Variants in NEK8 observed in about 807,000 individuals in gnomAD.
The protein encoded by NEK8 is NIMA related kinase 8.
In NEK8, 51 loss-of-function variants were observed where a neutral mutation model predicts 77.2. That is an observed-to-expected ratio of 0.66 (90% CI 0.53 to 0.83). The LOEUF is 0.83. Ranked by LOEUF, NEK8 falls within the 40% of genes least tolerant of loss-of-function variation. The pLI is 0.00. For missense variants in NEK8, 787 were observed against 909.2 expected (o/e 0.87, Z 1.73); for synonymous variants, 365 against 363.2 (o/e 1.00, Z -0.06).
chr17:28,730,464 G>C (rs2151730423), intron 1 of NEK8, among the ~76,000 whole-genome samples: 2 of 152,196 alleles, frequency 1.3e-5, no homozygotes, highest in East Asian at 3.9e-4. Context: ...AGTAGAGACA[G>C]GGTTTCACCA....
chr17:28,728,987 C>A, intron 1 of NEK8, 127 bp downstream of exon 1: 2 of 872,034 alleles, frequency 2.3e-6, no homozygotes, highest in Non-Finnish European at 3.7e-6. Context: ...AAGCCCCGCC[C>A]AAGCTTCCGG....
At chr17:28,730,329 C>T (rs1030684440) in intron 1 of NEK8, among the ~76,000 whole-genome samples, 1 of 137,656 alleles carries the variant, frequency 7.3e-6, no homozygotes, top group Non-Finnish European at 1.5e-5. Context: ...TCCTCTGTTG[C>T]CCAGGCTGGA....
rs577204880 is a variant in NEK8, at chr17:28,731,840, C to T, written c.48-2143C>T. On this transcript the variant is annotated intron_variant, in intron 1 of 14. Transcript: ENST00000268766. ...CAGTATGGTCTCGATCTGCTGACCT[C>T]GTGATCCGCCTGCCTCAGTCTCCCA... Among the ~76,000 whole-genome samples the T allele has an allele frequency of 8.2e-5, 12 of 147,100 alleles. No homozygotes were observed. In the East Asian group the frequency reaches 2.5e-3, roughly 30 times the overall value.
In NEK8 at chr17:28,741,260, C is replaced by T. The variant is rs1309847782; in HGVS notation, c.1891+24C>T. The T allele has an allele frequency of 1.3e-6, 2 of 1,594,756 alleles. No individual in the cohort carries two copies. The highest frequency in any genetic ancestry group is 8.6e-7 in the Non-Finnish European group (1 of 1,168,942). ...AGGTGAGGACTGAGCATGGTGGGGG[C>T]AGACAGTGCCATGAGCAGTGGGGGG... On this transcript the variant is annotated intron_variant, in intron 13 of 14. Coordinates refer to ENST00000268766, the MANE Select transcript of NEK8 (RefSeq NM_178170.3). This position sits in a 1 kb window ranked among gnomAD's most constrained non-coding sequence, Gnocchi z 4.5.
chr17:28,740,304 AAAG>A lies in NEK8; in HGVS notation c.1418-155_1418-153del, dbSNP rs1462357384. 6.6e-6 allele frequency among the ~76,000 whole-genome samples: 1 copy of A among 152,108 alleles called. No homozygotes were observed. The highest frequency in any genetic ancestry group is 2.4e-5 in the African/African-American group (1 of 41,398). On this transcript the variant is annotated intron_variant, in intron 10 of 14. Transcript: ENST00000268766. The surrounding 1 kb of genome is among the most constrained non-coding windows in gnomAD (Gnocchi z 4.7). Reference sequence around the variant, plus strand: ...GTCTCGAAAAATAAAAATAAAAAATAAAGAAGGAGGATTTTAACCAGCAGAGGG... The same window carrying A: ...GTCTCGAAAAATAAAAATAAAAAATAAAGGAGGATTTTAACCAGCAGAGGG...
Position 28,740,165 on chromosome 17 carries a change from T to C in NEK8, c.1418-298T>C, listed in dbSNP as rs1239651547. 6.6e-6 allele frequency among the ~76,000 whole-genome samples: 1 copy of C among 151,976 alleles called. No homozygotes were observed. The highest frequency in any genetic ancestry group is 1.5e-5 in the Non-Finnish European group (1 of 67,998). Reference sequence around the variant, plus strand: ...TGGGCATGGTGGTGCATGCCTGTAATCCCGGCTACTCAGGAGGCTGAGGCA... The same window carrying C: ...TGGGCATGGTGGTGCATGCCTGTAACCCCGGCTACTCAGGAGGCTGAGGCA... On this transcript the variant is annotated intron_variant, in intron 10 of 14. Coordinates refer to ENST00000268766, the MANE Select transcript of NEK8 (RefSeq NM_178170.3). The surrounding 1 kb of genome is among the most constrained non-coding windows in gnomAD (Gnocchi z 4.7).
chr17:28,730,215 A>G (rs1451558592), intron 1 of NEK8, among the ~76,000 whole-genome samples: 2 of 150,826 alleles, frequency 1.3e-5, no homozygotes, highest in East Asian at 3.9e-4. Flanking sequence ...GGTTCACGCA[A>G]TTCTCCTGCC....
At position 28,739,243 on chromosome 17, in the gene NEK8, C is replaced by T. The variant is rs768515042; in HGVS notation, c.1417+42C>T. The T allele has an allele frequency of 5.2e-6, 7 of 1,333,766 alleles. No individual in the cohort carries two copies. The African/African-American group carries it at 1.0e-4, about 19-fold the overall frequency. The allele number at this position is 1,333,766 out of a possible 1,614,324, so 82.6% of individuals were successfully genotyped here. On this transcript the variant is annotated intron_variant, in intron 10 of 14. Transcript: ENST00000268766. ...AGGCCCCATCTCACAGCATCCTCAG[C>T]CATGACTTGCTCCCCTTCATACCCA...
At chr17:28,730,413 C>T (rs1216343153) in intron 1 of NEK8, among the ~76,000 whole-genome samples, 1 of 150,998 alleles carries the variant, frequency 6.6e-6, no homozygotes, top group Non-Finnish European at 1.5e-5. Flanking sequence ...CTCAGCCTTA[C>T]AGGCGTGTGC....
intron 1 of NEK8, among the ~76,000 whole-genome samples, chr17:28,732,168 C>T (rs1330342627): frequency 6.6e-6 from 1 of 151,508 alleles, no homozygotes; most frequent in Non-Finnish European, 1.5e-5. Context: ...AAATTGCATT[C>T]TGGGGCTGGG....
intron 2 of NEK8, 151 bp downstream of exon 2, chr17:28,734,339 C>T: frequency 6.9e-6 from 5 of 722,132 alleles, no homozygotes; most frequent in Non-Finnish European, 1.2e-5. Context: ...GCCCCTTGTC[C>T]TCTCTGGTCC....
rs759278761 is a variant in NEK8, at chr17:28,740,969, C to T, written c.1716C>T (p.His572=). The change falls in exon 12 of 15, where the codon CAC becomes CAT. Residue 572 remains histidine, a synonymous_variant. Coordinates refer to ENST00000268766, the MANE Select transcript of NEK8 (RefSeq NM_178170.3). This position sits in a 1 kb window ranked among gnomAD's most constrained non-coding sequence, Gnocchi z 4.7. ...TGAGTATAGACCTGGGCACTGCTCACTCAGCTGCTGTGACTGGTGAGGAGG... is the reference window on the plus strand; with the variant it reads ...TGAGTATAGACCTGGGCACTGCTCATTCAGCTGCTGTGACTGGTGAGGAGG... ...PLLSIDLGTA[H]SAAVTASGDC... The T allele has an allele frequency of 1.2e-6, 2 of 1,614,176 alleles. No individual in the cohort carries two copies. The highest frequency in any genetic ancestry group is 2.2e-5 in the East Asian group (1 of 44,854).
In NEK8 at chr17:28,740,541, G is replaced by A. The variant is rs770946405; in HGVS notation, c.1496G>A (p.Arg499Gln). 8.7e-6 allele frequency: 14 copies of A among 1,614,164 alleles called. No homozygotes were observed. In the East Asian group the frequency reaches 1.1e-4, roughly 13 times the overall value. The change falls in exon 11 of 15, where the codon CGA (arginine) becomes CAA (glutamine). Residue 499 changes from arginine to glutamine, a missense_variant. Arg to Gln is a conservative substitution (Grantham distance 43). Around this residue, in one of 2 missense-constraint regions of NEK8, gnomAD observed 516 missense variants for 544.0 expected, o/e 0.95. Transcript: ENST00000268766. This position sits in a 1 kb window ranked among gnomAD's most constrained non-coding sequence, Gnocchi z 4.7. ...VPMPPGQEAQ[R>Q]VVCGIDSSMI... Reference sequence around the variant, plus strand: ...ATGCCCCCAGGACAGGAAGCTCAGCGAGTTGTATGTGGTATCGATTCCTCC... The same window carrying A: ...ATGCCCCCAGGACAGGAAGCTCAGCAAGTTGTATGTGGTATCGATTCCTCC...
intron 4 of NEK8, among the ~76,000 whole-genome samples, chr17:28,735,712 G>C (rs984739754): frequency 6.6e-6 from 1 of 152,176 alleles, no homozygotes; most frequent in Non-Finnish European, 1.5e-5. Context: ...GGACTCCCCT[G>C]TCAGTCTGGG....
Position 28,737,899 on chromosome 17 carries a change from C to G in NEK8, c.970C>G (p.Pro324Ala). 2 of 1,613,828 alleles carry G rather than the reference C, an allele frequency of 1.2e-6. No individual in the cohort carries two copies. The highest frequency in any genetic ancestry group is 1.7e-6 in the Non-Finnish European group (2 of 1,179,978). The change falls in exon 7 of 15, where the codon CCC becomes GCC. Residue 324 changes from proline to alanine, a missense_variant. Transcript: ENST00000268766. This position sits in a 1 kb window ranked among gnomAD's most constrained non-coding sequence, Gnocchi z 4.8. ...VYAWGGGLGT[P>A]LRLPMLNTEV... ...TGCCTGGGGTGGTGGGCTGGGCACC[C>G]CCCTGCGGCTGCCAATGCTCAACAC...
chr17:28,736,224 A>C (rs1375493132), intron 4 of NEK8, among the ~76,000 whole-genome samples: 1 of 152,144 alleles, frequency 6.6e-6, no homozygotes, highest in African/African-American at 2.4e-5. Flanking sequence ...GAATAGTGCC[A>C]CAATAAACAT....
At chr17:28,732,626 ACAG>A (rs558943788) in intron 1 of NEK8, among the ~76,000 whole-genome samples, 32 of 131,698 alleles carry the variant, frequency 2.4e-4, no homozygotes, top group African/African-American at 6.2e-4. Context: ...ATCTCGGCTC[ACAG>A]CAAGCTCCAC....
Position 28,734,170 on chromosome 17 carries a change from G to A in NEK8, c.235G>A (p.Ala79Thr), listed in dbSNP as rs776675685. 17 of 1,614,016 alleles carry A rather than the reference G, an allele frequency of 1.1e-5. No individual in the cohort carries two copies. The highest frequency in any genetic ancestry group is 1.4e-5 in the Non-Finnish European group (16 of 1,180,020). Residue 79 changes from alanine to threonine, a missense_variant, in exon 2 of 15, where the codon GCC becomes ACC. By Grantham distance (58) the Ala-to-Thr change is moderately conservative (BLOSUM62 0). Coordinates refer to ENST00000268766, the MANE Select transcript of NEK8 (RefSeq NM_178170.3). ...CCTGGAAGACAAAGCCCTTATGATC[G>A]CCATGGAATATGCACCAGGTGGGCC... is the stretch of plus-strand genomic sequence containing the variant. ...NFLEDKALMI[A>T]MEYAPGGTLA...
intron 2 of NEK8, 156 bp from the exon 3 acceptor site, chr17:28,734,616 G>T (rs1323753939): frequency 1.1e-5 from 7 of 637,258 alleles, no homozygotes; most frequent in Non-Finnish European, 1.7e-5. Flanking sequence ...CCCGGGAGGG[G>T]GGGCTTGCAG....
Sources: gnomAD v4.1 joint callset for allele counts (sites outside exome capture counted in the v4.1 genomes callset) on GRCh38, gnomAD v4.1.1 for gene constraint, gnomAD v4.1.1 regional missense constraint, Gnocchi (gnomAD v3.1) non-coding constraint, MANE v1.5 for transcripts, NCBI Gene and HGNC (gene_info 2026-07-23, HGNC 2026-07-21) for gene names.